The following KCNN2 variants were observed in gnomAD, a reference collection of about 807,000 sequenced individuals.
KCNN2 encodes the protein potassium calcium-activated channel subfamily N member 2.
In KCNN2, 24 loss-of-function variants were observed where a neutral mutation model predicts 55.5. The observed-to-expected ratio is 0.43, with a 90% CI of 0.31 to 0.61. The LOEUF (loss-of-function observed/expected upper bound fraction) is 0.61. KCNN2 is among the 20% of genes least tolerant of loss of function. KCNN2 has a pLI of 0.08. For synonymous variants in KCNN2, 431 were observed against 336.1 expected (o/e 1.28, Z -3.09); for missense variants, 754 against 853.6 (o/e 0.88, Z 1.45).
chr5:114,113,495 A>G (rs1018562924), intron 1 of KCNN2, among the ~76,000 whole-genome samples: 2 of 152,070 alleles, frequency 1.3e-5, no homozygotes, highest in Admixed American at 6.6e-5. Flanking sequence ...TAGACTGAGA[A>G]AAGACAGATT....
intron 4 of KCNN2, among the ~76,000 whole-genome samples, chr5:114,472,090 G>C (rs2150123713): frequency 6.6e-6 from 1 of 152,300 alleles, no homozygotes; most frequent in South Asian, 2.1e-4. Context: ...ATCTGGAGGT[G>C]TGACTTCCCT....
intron 2 of KCNN2, among the ~76,000 whole-genome samples, chr5:114,257,304 T>C (rs1755003682): frequency 6.6e-6 from 1 of 152,200 alleles, no homozygotes; most frequent in Admixed American, 6.5e-5. Flanking sequence ...TACCTCCAGC[T>C]TTGTTCTTTT....
rs554932578 is a variant in KCNN2, at chr5:114,232,925, G to GTTTTTTTTGTTT, written c.-185+11368_-185+11369insGTTTTTTTTTTT. ...GAGGTAATTTTTTATATTGTTTCTT[G>GTTTTTTTTGTTT]TTTTTTTTTTTTTGAGACGGAGTCT... is the stretch of plus-strand genomic sequence containing the variant. On this transcript the variant is annotated intron_variant, in intron 2 of 10. Transcript: ENST00000512097. 6.6e-5 allele frequency among the ~76,000 whole-genome samples: 5 copies of GTTTTTTTTGTTT among 76,276 alleles called. 1 individual carries two copies. Among genetic ancestry groups the GTTTTTTTTGTTT allele is most frequent in the African/African-American group, 2.3e-4 (5 of 21,870 alleles). The allele number at this position is 76,276 out of a possible 152,430, so 50.0% of individuals were successfully genotyped here. A position where few individuals can be genotyped will look rare whatever the true frequency, so the allele number is the denominator to read the frequency against.
exon 1 of KCNN2, chr5:114,056,437 G>A (rs947861316): frequency 7.5e-6 from 3 of 398,612 alleles, no homozygotes; most frequent in Non-Finnish European, 1.3e-5. Flanking sequence ...CACCAAGGCC[G>A]CATTTACCGC....
chr5:114,443,727 C>T (rs1032103338), intron 3 of KCNN2, among the ~76,000 whole-genome samples: 7 of 152,158 alleles, frequency 4.6e-5, no homozygotes, highest in African/African-American at 1.4e-4. Flanking sequence ...TGTGAAGGCA[C>T]GTGAAATAGA....
At chr5:114,414,914 G>GT (rs1271472354) in intron 3 of KCNN2, among the ~76,000 whole-genome samples, 1 of 152,118 alleles carries the variant, frequency 6.6e-6, no homozygotes, top group Non-Finnish European at 1.5e-5. Flanking sequence ...CTACAATCCA[G>GT]TTTTAGAACA....
At chr5:114,143,655 C>T (rs904263582) in intron 1 of KCNN2, among the ~76,000 whole-genome samples, 3 of 152,208 alleles carry the variant, frequency 2.0e-5, no homozygotes, top group Non-Finnish European at 2.9e-5. Context: ...CGTGACTGCA[C>T]GTCCATTCAT....
chr5:114,459,746 C>T (rs1561397545), intron 3 of KCNN2, among the ~76,000 whole-genome samples: 1 of 152,110 alleles, frequency 6.6e-6, no homozygotes, highest in East Asian at 1.9e-4. Flanking sequence ...ATCATTGAAT[C>T]CCAAGCCCTA....
intron 2 of KCNN2, among the ~76,000 whole-genome samples, chr5:114,390,467 T>C (rs1183400308): frequency 1.3e-5 from 2 of 152,184 alleles, no homozygotes; most frequent in African/African-American, 4.8e-5. Context: ...CTGAAGTTAG[T>C]TAAGGTTACA....
At chr5:114,472,302 C>T (rs1348935650) in intron 4 of KCNN2, among the ~76,000 whole-genome samples, 1 of 152,188 alleles carries the variant, frequency 6.6e-6, no homozygotes, top group East Asian at 1.9e-4. Context: ...AGCGGGAGGA[C>T]TGTAATTCTT....
chr5:114,213,318 A>G (rs183765477), intron 1 of KCNN2, among the ~76,000 whole-genome samples: 2 of 151,516 alleles, frequency 1.3e-5, no homozygotes, highest in East Asian at 3.9e-4. Flanking sequence ...GAGATTTAAA[A>G]ATCTATAAAA....
chr5:114,258,462 A>G lies in KCNN2; in HGVS notation c.-185+36897A>G, dbSNP rs145346533. The stretch of plus-strand genomic sequence containing the variant: ...CTGGGAGAATTTGGCTGTGAATCCA[A>G]CTGGTTCTGGGCTTTTTTTTTCTTG... On this transcript the variant is annotated intron_variant, in intron 2 of 10. Transcript: ENST00000512097. 3.5e-4 allele frequency among the ~76,000 whole-genome samples: 53 copies of G among 152,154 alleles called. No homozygotes were observed. In the East Asian group the frequency reaches 8.7e-3, roughly 25 times the overall value.
In KCNN2 at chr5:114,495,952, G is replaced by A. The variant is rs1748096223; in HGVS notation, c.2146G>A (p.Glu716Lys). Residue 716 changes from glutamate to lysine, a missense_variant, in exon 8 of 8, where the codon GAG (glutamate) becomes AAG (lysine). Physicochemically the swap from Glu to Lys is moderately conservative, Grantham distance 56 (BLOSUM62 1). Around this residue, in one of 4 missense-constraint regions of KCNN2, gnomAD observed 164 missense variants for 156.6 expected, o/e 1.05. Transcript: ENST00000673685. ...SDLNERSEDFEKRIVTLETKL... is the reference protein window; with the variant it reads ...SDLNERSEDFKKRIVTLETKL... ...CTTAAACGAAAGGAGTGAAGACTTC[G>A]AGAAGAGGATTGTTACCCTGGAAAC... is the stretch of plus-strand genomic sequence containing the variant. The A allele has an allele frequency of 6.2e-7, 1 of 1,614,006 alleles. No homozygotes were observed. Among genetic ancestry groups the A allele is most frequent in the Non-Finnish European group, 8.5e-7 (1 of 1,179,932 alleles).
At chr5:114,103,540 AGT>A (rs1167100689) in intron 1 of KCNN2, among the ~76,000 whole-genome samples, 5 of 152,164 alleles carry the variant, frequency 3.3e-5, no homozygotes, top group African/African-American at 1.2e-4. Flanking sequence ...TTGCTCATTC[AGT>A]GTGATATTGG....
chr5:114,362,408 T>C lies in KCNN2; in HGVS notation c.269T>C (p.Leu90Pro), dbSNP rs1413174879. ...GCGGGAGATAACCTGTCCCTGCTGC[T>C]CCGCACCTCCTCGCCCGGCGGCGCC... Reference protein sequence around the residue: ...AGAGDNLSLLLRTSSPGGAFR... With the variant: ...AGAGDNLSLLPRTSSPGGAFR... Residue 90 changes from leucine to proline, a missense_variant, in exon 1 of 8, where the codon CTC becomes CCC. Transcript: ENST00000673685. 1.6e-5 allele frequency: 5 copies of C among 309,584 alleles called. No homozygotes were observed. The highest frequency in any genetic ancestry group is 2.4e-5 in the Non-Finnish European group (4 of 168,348). The allele number at this position is 309,584 out of a possible 1,614,324, so 19.2% of individuals were successfully genotyped here. A position where few individuals can be genotyped will look rare whatever the true frequency, so the allele number is the denominator to read the frequency against.
chr5:114,275,252 A>G (rs1359457848), intron 2 of KCNN2, among the ~76,000 whole-genome samples: 4 of 152,080 alleles, frequency 2.6e-5, no homozygotes, highest in Admixed American at 6.5e-5. Context: ...TTTATTGAGG[A>G]TTTTTACGTC....
chr5:114,141,302 C>T (rs1752274530), intron 1 of KCNN2, among the ~76,000 whole-genome samples: 1 of 152,058 alleles, frequency 6.6e-6, no homozygotes, highest in South Asian at 2.1e-4. Context: ...ACGACAGGCC[C>T]CGGTGTGTGA....
chr5:114,203,976 C>T (rs879111574), intron 1 of KCNN2, among the ~76,000 whole-genome samples: 2 of 152,116 alleles, frequency 1.3e-5, no homozygotes, highest in South Asian at 4.2e-4. Flanking sequence ...TCCCTGATTT[C>T]ATTCATTTCA....
In KCNN2 at chr5:114,443,120, G is replaced by A. The variant is rs925512138; in HGVS notation, c.1638-19929G>A. On this transcript the variant is annotated intron_variant, in intron 3 of 7. Coordinates refer to ENST00000673685, the MANE Select transcript of KCNN2 (RefSeq NM_021614.4). Reference sequence around the variant, plus strand: ...AGCCTGACCAACATGGTGAAACCCTGTCTTTGCTAAAAATACAAAAATTAA... The same window carrying A: ...AGCCTGACCAACATGGTGAAACCCTATCTTTGCTAAAAATACAAAAATTAA... Among the ~76,000 whole-genome samples, 3 of 152,046 alleles carry A rather than the reference G, an allele frequency of 2.0e-5. No homozygotes were observed. The East Asian group carries it at 5.8e-4, about 30-fold the overall frequency.
Sources: gnomAD v4.1 joint callset for allele counts (sites outside exome capture counted in the v4.1 genomes callset) on GRCh38, gnomAD v4.1.1 for gene constraint, gnomAD v4.1.1 regional missense constraint, MANE v1.5 for transcripts, NCBI Gene and HGNC (gene_info 2026-07-23, HGNC 2026-07-21) for gene names.